Variants in SLC14A2 observed in about 807,000 individuals in gnomAD.
SLC14A2 encodes solute carrier family 14 member 2.
In SLC14A2, 91 loss-of-function variants were observed where a neutral mutation model predicts 104.6. The observed-to-expected ratio is 0.87, with a 90% CI of 0.73 to 1.04. The LOEUF (loss-of-function observed/expected upper bound fraction) is 1.04, where lower values mean the gene tolerates loss of function less well. SLC14A2 is among the 50% of genes least tolerant of loss of function. The pLI, the probability that SLC14A2 is intolerant of heterozygous loss-of-function variation, is 0.00. For missense variants in SLC14A2, 1,189 were observed against 1,156.0 expected (o/e 1.03, Z -0.41); for synonymous variants, 476 against 466.4 (o/e 1.02, Z -0.27).
At chr18:45,390,563 T>C (rs1447776252) in intron 1 of SLC14A2, among the ~76,000 whole-genome samples, 1 of 149,488 alleles carries the variant, frequency 6.7e-6, no homozygotes, top group East Asian at 2.0e-4. Flanking sequence ...AAAAATCTTA[T>C]CCTAATGGAG....
intron 11 of SLC14A2, among the ~76,000 whole-genome samples, chr18:45,665,882 C>T (rs1350032074): frequency 6.6e-6 from 1 of 151,878 alleles, no homozygotes; most frequent in African/African-American, 2.4e-5. Flanking sequence ...TCTGAGCTCC[C>T]TAAATTCCTT....
chr18:45,393,774 C>T (rs890190780), intron 1 of SLC14A2, among the ~76,000 whole-genome samples: 3 of 152,190 alleles, frequency 2.0e-5, no homozygotes, highest in African/African-American at 7.2e-5. Context: ...ATTTTTCTAC[C>T]AGTGACTTAC....
At position 45,287,945 on chromosome 18, in the gene SLC14A2, G is replaced by A. The variant is rs913696676; in HGVS notation, c.-125+74754G>A. 5.9e-5 allele frequency among the ~76,000 whole-genome samples: 9 copies of A among 152,320 alleles called. No individual in the cohort carries two copies. In the South Asian group the frequency reaches 1.2e-3, roughly 21 times the overall value. ...ACAGTCCTAATATGCCATCCTAAGAGCAGAGTAACTCGCCTGCAGTCCTAG... is the reference window on the plus strand; with the variant it reads ...ACAGTCCTAATATGCCATCCTAAGAACAGAGTAACTCGCCTGCAGTCCTAG... On this transcript the variant is annotated intron_variant, in intron 1 of 20. Coordinates refer to the SLC14A2 transcript ENST00000586448.
chr18:45,497,961 C>G (rs1795472835), intron 2 of SLC14A2, among the ~76,000 whole-genome samples: 1 of 152,148 alleles, frequency 6.6e-6, no homozygotes, highest in African/African-American at 2.4e-5. Flanking sequence ...AGGGGAAAGC[C>G]TTTAGACAAG....
At chr18:45,204,885 C>T in the SLC14A2 span, among the ~76,000 whole-genome samples, 5 of 151,758 alleles carry the variant, frequency 3.3e-5, no homozygotes, top group East Asian at 9.7e-4. Context: ...CTGCCTCACA[C>T]TCCACCTATG....
intron 1 of SLC14A2, among the ~76,000 whole-genome samples, chr18:45,214,858 G>C (rs1297696394): frequency 2.9e-5 from 4 of 137,618 alleles, no homozygotes; most frequent in Non-Finnish European, 4.6e-5. Context: ...AATAATAAGA[G>C]AAAGGTAATG....
At chr18:45,556,095 G>A (rs1169787829) in intron 2 of SLC14A2, among the ~76,000 whole-genome samples, 3 of 152,162 alleles carry the variant, frequency 2.0e-5, no homozygotes, top group East Asian at 3.9e-4. Flanking sequence ...CTGGGTTGCA[G>A]ACTGCCATTT....
At chr18:45,534,321 C>G (rs546084908) in intron 2 of SLC14A2, among the ~76,000 whole-genome samples, 31 of 152,194 alleles carry the variant, frequency 2.0e-4, no homozygotes, top group African/African-American at 7.0e-4. Context: ...TAGAAACACA[C>G]AAAGACTAAC....
intron 10 of SLC14A2, 117 bp downstream of exon 10, chr18:45,644,277 C>A: frequency 1.1e-6 from 1 of 933,736 alleles, no homozygotes; most frequent in South Asian, 1.8e-5. Flanking sequence ...CTCCTTGCAC[C>A]TGTGTAGAAC....
chr18:45,294,315 ACTTCT>A (rs1364840066), intron 1 of SLC14A2, among the ~76,000 whole-genome samples: 3 of 152,244 alleles, frequency 2.0e-5, no homozygotes, highest in Non-Finnish European at 2.9e-5. Flanking sequence ...TAATTTATTT[ACTTCT>A]CTTAACTTCT....
In SLC14A2 at chr18:45,375,643, C is replaced by A. The variant is rs192748698; in HGVS notation, c.-124-107590C>A. Among the ~76,000 whole-genome samples the A allele has an allele frequency of 6.6e-5, 10 of 152,308 alleles. No individual in the cohort carries two copies. In the East Asian group the frequency reaches 1.9e-3, roughly 29 times the overall value. On this transcript the variant is annotated intron_variant, in intron 1 of 20. Transcript: ENST00000586448. ...GAATTATTCTTTCTCTATTGCAATTCCCCTGTTTTAATAAATCAGCTCTGT... is the reference window on the plus strand; with the variant it reads ...GAATTATTCTTTCTCTATTGCAATTACCCTGTTTTAATAAATCAGCTCTGT...
chr18:45,598,964 C>T (rs2044751541), intron 2 of SLC14A2, among the ~76,000 whole-genome samples: 1 of 152,220 alleles, frequency 6.6e-6, no homozygotes, highest in Non-Finnish European at 1.5e-5. Context: ...CTTTCTGAAT[C>T]TTCTTCTCTC....
At chr18:45,256,227 T>A (rs1381553) in intron 1 of SLC14A2, among the ~76,000 whole-genome samples, 9,381 of 150,800 alleles carry the variant, frequency 0.062, 359 homozygotes, top group East Asian at 0.17. Context: ...GTATTTGGAT[T>A]GTTGTTTCTC....
intron 1 of SLC14A2, among the ~76,000 whole-genome samples, chr18:45,291,954 G>T (rs2084874201): frequency 6.6e-6 from 1 of 152,130 alleles, no homozygotes; most frequent in African/African-American, 2.4e-5. Flanking sequence ...GGCATGTGTG[G>T]TGTTTTTAAA....
At chr18:45,439,049 C>T (rs1162899625) in intron 1 of SLC14A2, among the ~76,000 whole-genome samples, 1 of 152,106 alleles carries the variant, frequency 6.6e-6, no homozygotes, top group African/African-American at 2.4e-5. Flanking sequence ...TTTGGGAGTT[C>T]CAAGAAGGGA....
At chr18:45,485,323 C>T (rs922816356) in intron 2 of SLC14A2, 5 of 152,220 alleles carry the variant, frequency 3.3e-5, no homozygotes, top group Non-Finnish European at 5.9e-5. Flanking sequence ...GAGACTTAGT[C>T]TCAATTCCTC....
At chr18:45,341,562 C>A (rs2085395317) in intron 1 of SLC14A2, among the ~76,000 whole-genome samples, 1 of 151,432 alleles carries the variant, frequency 6.6e-6, no homozygotes, top group Admixed American at 6.6e-5. Context: ...TAAATGGCCC[C>A]CAAGCCTAGT....
chr18:45,624,304 TACC>T (rs2045223663), intron 1 of SLC14A2, among the ~76,000 whole-genome samples: 3 of 152,140 alleles, frequency 2.0e-5, no homozygotes, highest in Admixed American at 6.5e-5. Context: ...TACCACTAAC[TACC>T]ACAATAGGAC....
In SLC14A2 at chr18:45,587,578, T is replaced by C. The variant is rs1321076815; in HGVS notation, c.-34-37053T>C. Reference sequence around the variant, plus strand: ...CACCAGTGGATAGATGAGCAGAGGGTAGCAGGATCTGAGATACAGAACCTT... The same window carrying C: ...CACCAGTGGATAGATGAGCAGAGGGCAGCAGGATCTGAGATACAGAACCTT... On this transcript the variant is annotated intron_variant, in intron 2 of 20. Coordinates refer to the SLC14A2 transcript ENST00000586448. Among the ~76,000 whole-genome samples the C allele has an allele frequency of 3.9e-5, 6 of 152,176 alleles. No homozygotes were observed. The East Asian group carries it at 1.2e-3, about 29-fold the overall frequency.
Sources: gnomAD v4.1 joint callset for allele counts (sites outside exome capture counted in the v4.1 genomes callset) on GRCh38, gnomAD v4.1.1 for gene constraint, MANE v1.5 for transcripts, NCBI Gene and HGNC (gene_info 2026-07-23, HGNC 2026-07-21) for gene names.